The following ANTXR2 variants were observed in gnomAD, a reference collection of about 807,000 sequenced individuals.
ANTXR2 encodes anthrax toxin receptor 2.
Under a neutral mutation model 73.7 loss-of-function variants are expected in ANTXR2, and 44 were observed. That is an observed-to-expected ratio of 0.60 (90% CI 0.47 to 0.77). The LOEUF is 0.77. ANTXR2 is among the 30% of genes least tolerant of loss of function. The probability of loss-of-function intolerance (pLI) is 0.00; values close to 1 mark genes in which losing one functional copy is unlikely to be tolerated. For synonymous variants in ANTXR2, 217 were observed against 205.9 expected (o/e 1.05, Z -0.46); for missense variants, 604 against 592.5 (o/e 1.02, Z -0.20).
At chr4:79,937,522 T>C (rs1329036368) in intron 16 of ANTXR2, among the ~76,000 whole-genome samples, 5 of 152,230 alleles carry the variant, frequency 3.3e-5, no homozygotes, top group Admixed American at 3.3e-4. Context: ...AATTTGTATC[T>C]ACCCTGAGAG....
chr4:79,903,893 A>C lies in ANTXR2; in HGVS notation c.*3536T>G, dbSNP rs531590053. ...CCACCAAACTTTTCCAGTAGTAATG[A>C]AACTCTCAAAAACTTTCTAAAGTAA... is the stretch of plus-strand genomic sequence containing the variant. On this transcript the variant is annotated 3_prime_UTR_variant, in exon 17 of 17. Coordinates refer to ENST00000403729, the MANE Select transcript of ANTXR2 (RefSeq NM_058172.6). 1 of 152,298 alleles carries C rather than the reference A, an allele frequency of 6.6e-6. No individual in the cohort carries two copies. The highest frequency in any genetic ancestry group is 2.4e-5 in the African/African-American group (1 of 41,582). The allele number at this position is 152,298 out of a possible 1,614,324, so 9.4% of individuals were successfully genotyped here. A position where few individuals can be genotyped will look rare whatever the true frequency, so the allele number is the denominator to read the frequency against.
chr4:79,920,935 T>C (rs1323361241), intron 16 of ANTXR2, among the ~76,000 whole-genome samples: 1 of 152,108 alleles, frequency 6.6e-6, no homozygotes, highest in Non-Finnish European at 1.5e-5. Flanking sequence ...ACAATCTTCA[T>C]GTCAAATAAT....
chr4:79,904,936 T>C lies in ANTXR2; in HGVS notation c.*2493A>G, dbSNP rs1726848363. The C allele has an allele frequency of 6.6e-6, 1 of 152,148 alleles. No individual in the cohort carries two copies. Among genetic ancestry groups the C allele is most frequent in the South Asian group, 2.1e-4 (1 of 4,828 alleles). 9.4% of individuals were successfully genotyped at this position (152,148 alleles called of 1,614,324 possible). On this transcript the variant is annotated 3_prime_UTR_variant, in exon 17 of 17. Transcript: ENST00000403729. ...ATAACACTCTTCAAAACAAATTCTT[T>C]TCAACTGCTAGTTAGTATAATTGGA...
intron 10 of ANTXR2, among the ~76,000 whole-genome samples, chr4:80,028,013 T>A (rs1310992198): frequency 6.6e-6 from 1 of 152,126 alleles, no homozygotes; most frequent in Non-Finnish European, 1.5e-5. Context: ...TAGGCAGATT[T>A]TTCTTGGTAA....
At chr4:79,982,445 C>T (rs191445878) in intron 14 of ANTXR2, among the ~76,000 whole-genome samples, 11 of 152,088 alleles carry the variant, frequency 7.2e-5, no homozygotes, top group Admixed American at 2.0e-4. Context: ...TGTTACAGAT[C>T]GTATTTGGAT....
intron 11 of ANTXR2, among the ~76,000 whole-genome samples, chr4:80,016,600 C>T (rs1381422901): frequency 6.6e-6 from 1 of 152,214 alleles, no homozygotes; most frequent in East Asian, 1.9e-4. Flanking sequence ...TCTCAGAACT[C>T]CAGACTTGCA....
At chr4:79,962,901 T>A (rs908910502) in intron 16 of ANTXR2, among the ~76,000 whole-genome samples, 1 of 152,182 alleles carries the variant, frequency 6.6e-6, no homozygotes, top group Admixed American at 6.5e-5. Context: ...TGATTTTTTT[T>A]AAGAATGCAG....
Position 80,018,947 on chromosome 4 carries a change from C to A in ANTXR2, c.896G>T (p.Gly299Val). 1 of 1,512,728 alleles carries A rather than the reference C, an allele frequency of 6.6e-7. No homozygotes were observed. Among genetic ancestry groups the A allele is most frequent in the South Asian group, 1.3e-5 (1 of 74,502 alleles). 93.7% of individuals were successfully genotyped at this position (1,512,728 alleles called of 1,614,324 possible). A position where few individuals can be genotyped will look rare whatever the true frequency, so the allele number is the denominator to read the frequency against. ...TGATCCTGAAATGACAGATTTTCCTCCATTAAAGCTCACTGAAACATCAAG... is the reference window on the plus strand; with the variant it reads ...TGATCCTGAAATGACAGATTTTCCTACATTAAAGCTCACTGAAACATCAAG... ...ETLDVSVSFN[G>V]GKSVISGSLI... is the part of the protein sequence containing the mutation. Residue 299 changes from glycine to valine, a missense_variant, in exon 11 of 17, where the codon GGA (glycine) becomes GTA (valine). By Grantham distance (109) the Gly-to-Val change is moderately radical. Transcript: ENST00000403729.
At chr4:79,973,183 T>C (rs1014331311) in intron 16 of ANTXR2, among the ~76,000 whole-genome samples, 1 of 152,196 alleles carries the variant, frequency 6.6e-6, no homozygotes, top group Non-Finnish European at 1.5e-5. Context: ...AATAGTATGG[T>C]TTCCTAATAC....
chr4:79,978,519 C>G (rs968773642), intron 14 of ANTXR2, among the ~76,000 whole-genome samples: 9 of 152,046 alleles, frequency 5.9e-5, no homozygotes, highest in African/African-American at 2.2e-4. Context: ...TGGTTTGTTC[C>G]CCTGCTAGCT....
At chr4:80,061,867 T>G (rs1734278083) in intron 3 of ANTXR2, among the ~76,000 whole-genome samples, 1 of 152,194 alleles carries the variant, frequency 6.6e-6, no homozygotes, top group Non-Finnish European at 1.5e-5. Context: ...TTCATTCATA[T>G]ATACCTGCTC....
rs76964560 is a variant in ANTXR2, at chr4:80,058,539, C to A, written c.297-2526G>T. ...AAACAAAGGCCAAAACAAGACAGGG[C>A]AGACAGATCTCAGACCCTTGAAGAA... is the stretch of plus-strand genomic sequence containing the variant. On this transcript the variant is annotated intron_variant, in intron 3 of 16. Transcript: ENST00000403729. Among the ~76,000 whole-genome samples the A allele has an allele frequency of 7.9e-5, 12 of 152,098 alleles. No homozygotes were observed. In the East Asian group the frequency reaches 2.1e-3, roughly 27 times the overall value.
At chr4:80,014,297 G>A (rs528697823) in intron 11 of ANTXR2, among the ~76,000 whole-genome samples, 6 of 152,182 alleles carry the variant, frequency 3.9e-5, no homozygotes, top group African/African-American at 7.2e-5. Context: ...GGCCGGGTGA[G>A]GTGGCTCACG....
intron 16 of ANTXR2, among the ~76,000 whole-genome samples, chr4:79,946,073 C>T (rs558785417): frequency 6.6e-6 from 1 of 152,170 alleles, no homozygotes; most frequent in South Asian, 2.1e-4. Flanking sequence ...GAACTTTATG[C>T]TTTATTATCT....
intron 12 of ANTXR2, 80 bp downstream of exon 12, chr4:80,008,441 T>C: frequency 9.2e-7 from 1 of 1,085,008 alleles, no homozygotes; most frequent in Non-Finnish European, 1.3e-6. Context: ...GTTATTAACA[T>C]GGCATTTATT....
chr4:80,068,807 A>G (rs1248019304), intron 3 of ANTXR2, among the ~76,000 whole-genome samples: 1 of 152,108 alleles, frequency 6.6e-6, no homozygotes, highest in African/African-American at 2.4e-5. Flanking sequence ...ATCAATGACT[A>G]TTTCTAACTT....
At chr4:79,960,290 A>G (rs1729095582) in intron 16 of ANTXR2, among the ~76,000 whole-genome samples, 1 of 152,196 alleles carries the variant, frequency 6.6e-6, no homozygotes, top group African/African-American at 2.4e-5. Flanking sequence ...AAGTATGCTT[A>G]GTACTGGATA....
intron 16 of ANTXR2, among the ~76,000 whole-genome samples, chr4:79,975,647 T>C (rs930167693): frequency 3.3e-5 from 5 of 152,150 alleles, no homozygotes; most frequent in South Asian, 2.1e-4. Flanking sequence ...AAAACTAAGA[T>C]GATGCATGAA....
At chr4:80,050,340 C>T (rs1179544909) in intron 7 of ANTXR2, among the ~76,000 whole-genome samples, 4 of 151,634 alleles carry the variant, frequency 2.6e-5, no homozygotes, top group African/African-American at 9.7e-5. Context: ...TCATGACTCA[C>T]ATCCTAAATT....
Sources: allele counts gnomAD v4.1 joint callset (sites outside exome capture counted in the v4.1 genomes callset), GRCh38; gene constraint gnomAD v4.1.1; transcripts MANE v1.5; gene names NCBI Gene and HGNC (gene_info 2026-07-23, HGNC 2026-07-21).